The following RUNDC3B variants were observed in gnomAD, a reference collection of about 807,000 sequenced individuals.
RUNDC3B encodes the protein RUN domain-containing protein 3B.
Under a neutral mutation model 58.4 loss-of-function variants are expected in RUNDC3B, and 33 were observed. That is an observed-to-expected ratio of 0.56 (90% CI 0.43 to 0.75). The LOEUF is 0.75. Among genes scored for constraint, RUNDC3B ranks in the 30% least tolerant of loss-of-function variants. RUNDC3B has a pLI of 0.00. For missense variants in RUNDC3B, 501 were observed against 535.7 expected, an observed-to-expected ratio of 0.94 and a Z score of 0.64; for synonymous variants, 193 against 195.2, an observed-to-expected ratio of 0.99 and a Z score of 0.10.
intron 1 of RUNDC3B, among the ~76,000 whole-genome samples, chr7:87,642,931 T>G (rs953343654): frequency 1.3e-5 from 2 of 152,208 alleles, no homozygotes; most frequent in Non-Finnish European, 2.9e-5. Context: ...ATTTTCCTTT[T>G]TAGAGACAGG....
chr7:87,634,540 A>G (rs2130229397), intron 1 of RUNDC3B, among the ~76,000 whole-genome samples: 1 of 151,074 alleles, frequency 6.6e-6, no homozygotes, highest in Non-Finnish European at 1.5e-5. Context: ...GAGACAGGAG[A>G]ATCACTTGAA....
rs28381740 is a variant in RUNDC3B, at chr7:87,688,080, A to G, written c.239-12341A>G. Among the ~76,000 whole-genome samples the G allele has an allele frequency of 3.0e-3, 454 of 152,308 alleles. 2 individuals carry two copies. The highest frequency in any genetic ancestry group is 0.011 in the African/African-American group (438 of 41,582). Reference sequence around the variant, plus strand: ...TAAGAAATTGGCTCTTAAGGTCACCAGAGTTTGGCTTTTAGACAATGGGAG... The same window carrying G: ...TAAGAAATTGGCTCTTAAGGTCACCGGAGTTTGGCTTTTAGACAATGGGAG... On this transcript the variant is annotated intron_variant, in intron 2 of 10. Transcript: ENST00000394654.
At chr7:87,814,954 C>T (rs1836952290) in intron 9 of RUNDC3B, among the ~76,000 whole-genome samples, 1 of 151,982 alleles carries the variant, frequency 6.6e-6, no homozygotes, top group African/African-American at 2.4e-5. Flanking sequence ...CCTATAAAAT[C>T]TTAATAAAAT....
At chr7:87,689,844 C>T (rs1416899087) in intron 2 of RUNDC3B, among the ~76,000 whole-genome samples, 5 of 152,130 alleles carry the variant, frequency 3.3e-5, no homozygotes, top group Non-Finnish European at 7.4e-5. Flanking sequence ...AATTCCCATT[C>T]TGATGTATTA....
chr7:87,802,202 G>A (rs1461623595), intron 8 of RUNDC3B, among the ~76,000 whole-genome samples: 4 of 152,036 alleles, frequency 2.6e-5, no homozygotes, highest in Non-Finnish European at 5.9e-5. Context: ...GACCAGCCTA[G>A]ACAACAGGGC....
At chr7:87,694,888 TA>T (rs1828365356) in intron 2 of RUNDC3B, among the ~76,000 whole-genome samples, 1 of 152,182 alleles carries the variant, frequency 6.6e-6, no homozygotes, top group Admixed American at 6.5e-5. Flanking sequence ...TTTGGAAAAT[TA>T]AGAGTTGACT....
intron 2 of RUNDC3B, among the ~76,000 whole-genome samples, chr7:87,673,181 T>C (rs1826001836): frequency 6.6e-6 from 1 of 152,242 alleles, no homozygotes; most frequent in African/African-American, 2.4e-5. Context: ...GCAAATCTAA[T>C]GACTATATAT....
intron 4 of RUNDC3B, among the ~76,000 whole-genome samples, chr7:87,728,680 A>T (rs1430692704): frequency 5.3e-5 from 8 of 152,202 alleles, no homozygotes; most frequent in Non-Finnish European, 1.0e-4. Flanking sequence ...TATCCATTTT[A>T]GATATTTAAT....
Position 87,654,466 on chromosome 7 carries a change from A to C in RUNDC3B, c.238+3529A>C, listed in dbSNP as rs537737644. ...TATTAATTTTCAACAGAAGTGCCAA[A>C]ACACACACTAGGGAAAGGACAGTCT... On this transcript the variant is annotated intron_variant, in intron 2 of 10. Transcript: ENST00000394654. Among the ~76,000 whole-genome samples the C allele has an allele frequency of 2.6e-5, 4 of 152,258 alleles. No individual in the cohort carries two copies. In the South Asian group the frequency reaches 8.3e-4, roughly 32 times the overall value.
intron 8 of RUNDC3B, among the ~76,000 whole-genome samples, chr7:87,795,269 C>T (rs1835752394): frequency 6.6e-6 from 1 of 152,160 alleles, no homozygotes; most frequent in African/African-American, 2.4e-5. Flanking sequence ...GGAATTCAAA[C>T]AACTCAATAG....
At chr7:87,690,538 T>C (rs567868133) in intron 2 of RUNDC3B, among the ~76,000 whole-genome samples, 1 of 152,292 alleles carries the variant, frequency 6.6e-6, no homozygotes, top group East Asian at 1.9e-4. Flanking sequence ...AGAAAAGTTA[T>C]ATATAGTACT....
At chr7:87,736,879 ATATATATATATTTTTTTTTT>A (rs1832000251) in intron 4 of RUNDC3B, among the ~76,000 whole-genome samples, 2 of 35,766 alleles carry the variant, frequency 5.6e-5, no homozygotes, top group South Asian at 1.1e-3. Context: ...ATATATATAT[ATATATATATATTTTTTTTTT>A]TTTTTTTTTT....
chr7:87,682,999 T>C (rs1219889999), intron 2 of RUNDC3B, among the ~76,000 whole-genome samples: 1 of 152,240 alleles, frequency 6.6e-6, no homozygotes, highest in Non-Finnish European at 1.5e-5. Flanking sequence ...TTCAGTCTTC[T>C]GGATAAGTTA....
chr7:87,645,578 A>G (rs1313185362), intron 1 of RUNDC3B, among the ~76,000 whole-genome samples: 1 of 152,206 alleles, frequency 6.6e-6, no homozygotes, highest in Non-Finnish European at 1.5e-5. Context: ...TTAGACATTC[A>G]TCAAATTGTC....
At chr7:87,820,322 C>A (rs1326346265) in intron 10 of RUNDC3B, among the ~76,000 whole-genome samples, 1 of 152,134 alleles carries the variant, frequency 6.6e-6, no homozygotes, top group Non-Finnish European at 1.5e-5. Context: ...CATACACCAT[C>A]CCATGACTAA....
chr7:87,765,149 G>A (rs775299216), intron 6 of RUNDC3B, among the ~76,000 whole-genome samples: 10 of 151,630 alleles, frequency 6.6e-5, no homozygotes, highest in Non-Finnish European at 1.5e-4. Flanking sequence ...TAATGTAACC[G>A]TTATTTCTGA....
intron 8 of RUNDC3B, among the ~76,000 whole-genome samples, chr7:87,784,720 G>A (rs879498364): frequency 1.4e-5 from 2 of 141,184 alleles, no homozygotes; most frequent in Non-Finnish European, 3.1e-5. Flanking sequence ...GAGATGTGGT[G>A]AGGGGAGATG....
chr7:87,820,906 A>G (rs1273469468), intron 10 of RUNDC3B, among the ~76,000 whole-genome samples: 3 of 152,050 alleles, frequency 2.0e-5, no homozygotes, highest in Non-Finnish European at 1.5e-5. Flanking sequence ...ATAAAGAGCT[A>G]TCTATGACAA....
rs759027514 is a variant in RUNDC3B at position 87,710,625 on chromosome 7, C to G, written c.428C>G (p.Ser143Cys). 3 of 1,601,016 alleles carry G rather than the reference C, an allele frequency of 1.9e-6. No individual in the cohort carries two copies. Among genetic ancestry groups the G allele is most frequent in the East Asian group, 2.2e-5 (1 of 44,548 alleles). ...GAAAAACATTTATCTGAATACATCT[C>G]TACAGCTCTGAGAGACTTCAAAACA... is the stretch of plus-strand genomic sequence containing the variant. ...LMEKHLSEYI[S>C]TALRDFKTTR... The change falls in exon 4 of 11, where the codon TCT becomes TGT. Residue 143 changes from serine to cysteine, a missense_variant. Transcript: ENST00000394654.
Sources: allele counts gnomAD v4.1 joint callset (sites outside exome capture counted in the v4.1 genomes callset), GRCh38; gene constraint gnomAD v4.1.1; transcripts MANE v1.5; gene names NCBI Gene and HGNC (gene_info 2026-07-23, HGNC 2026-07-21).